PKN2: variants seen among roughly 807,000 people sequenced by gnomAD.
PKN2 encodes serine/threonine-protein kinase N2.
In PKN2, 38 loss-of-function variants were observed where a neutral mutation model predicts 119.1. That is an observed-to-expected ratio of 0.32 (90% CI 0.25 to 0.42). PKN2 has a LOEUF of 0.42. Among genes scored for constraint, PKN2 ranks in the 10% least tolerant of loss-of-function variants. The probability of loss-of-function intolerance (pLI) is 1.00; values close to 1 mark genes in which losing one functional copy is unlikely to be tolerated. For synonymous variants in PKN2, 390 were observed against 384.9 expected (o/e 1.01, Z -0.15); for missense variants, 850 against 1,165.1 (o/e 0.73, Z 3.94).
chr1:88,820,210 AT>A (rs1557634879), intron 16 of PKN2, among the ~76,000 whole-genome samples: 49 of 114,450 alleles, frequency 4.3e-4, no homozygotes, highest in Admixed American at 2.8e-3. Flanking sequence ...ATATATATAT[AT>A]ATATATATAT....
At position 88,684,380 on chromosome 1, in the gene PKN2, A is replaced by T; in HGVS notation, c.-201A>T. ...GGGCGGCGAGAGGAAGCCCGCTACG[A>T]GTGCCCTAGCTCCCCGCCGCTCTCG... is the stretch of plus-strand genomic sequence containing the variant. On this transcript the variant is annotated 5_prime_UTR_variant, in exon 1 of 22. Transcript: ENST00000370521. The T allele has an allele frequency of 2.0e-6, 1 of 499,722 alleles. No homozygotes were observed. The highest frequency in any genetic ancestry group is 3.5e-5 in the East Asian group (1 of 28,284). 31.0% of individuals were successfully genotyped at this position (499,722 alleles called of 1,614,324 possible).
intron 6 of PKN2, among the ~76,000 whole-genome samples, chr1:88,772,510 G>C (rs916328908): frequency 6.6e-6 from 1 of 152,154 alleles, no homozygotes; most frequent in African/African-American, 2.4e-5. Context: ...TCCAAAATCT[G>C]AGATACTTCT....
chr1:88,685,579 T>C (rs1395904736), intron 1 of PKN2, among the ~76,000 whole-genome samples: 1 of 152,226 alleles, frequency 6.6e-6, no homozygotes, highest in Non-Finnish European at 1.5e-5. Flanking sequence ...ACATGGGGAC[T>C]TAAGCTACCC....
At chr1:88,801,698 C>A (rs938864147) in intron 8 of PKN2, among the ~76,000 whole-genome samples, 23 of 152,142 alleles carry the variant, frequency 1.5e-4, no homozygotes, top group Non-Finnish European at 5.9e-5. Flanking sequence ...ATAATCGGTG[C>A]CGTGAAGAAA....
chr1:88,805,575 C>T lies in PKN2; in HGVS notation c.1580C>T (p.Thr527Ile). The T allele has an allele frequency of 1.9e-6, 3 of 1,613,896 alleles. No individual in the cohort carries two copies. Among genetic ancestry groups the T allele is most frequent in the Non-Finnish European group, 2.5e-6 (3 of 1,179,846 alleles). Residue 527 changes from threonine to isoleucine, a missense_variant, in exon 11 of 22, where the codon ACA becomes ATA. Around this residue, in one of 9 missense-constraint regions of PKN2, gnomAD observed 216 missense variants for 252.8 expected, o/e 0.85. Transcript: ENST00000370521. ...AGGCTAGTAAGAAGAGCTATTCCTA[C>T]AGTAAATCATTCTGGCACCTTCAGC... ...WGRLVRRAIP[T>I]VNHSGTFSPQ...
rs573915048 is a variant in PKN2 at position 88,703,478 on chromosome 1, C to G, written c.48+18850C>G. 4.6e-5 allele frequency among the ~76,000 whole-genome samples: 7 copies of G among 152,206 alleles called. No homozygotes were observed. The East Asian group carries it at 1.3e-3, about 29-fold the overall frequency. ...AGTGAGGCTTAGAGAGGTAAAGTTA[C>G]TTGCCTATGTTACAAAGCAAGTTAG... On this transcript the variant is annotated intron_variant, in intron 1 of 21. Transcript: ENST00000370521.
chr1:88,783,043 A>G (rs943255481), intron 6 of PKN2, among the ~76,000 whole-genome samples: 11 of 152,190 alleles, frequency 7.2e-5, no homozygotes, highest in African/African-American at 2.7e-4. Context: ...ACTCTTCTGG[A>G]TATTTTCTTC....
At chr1:88,698,469 C>T (rs1570490450) in intron 1 of PKN2, among the ~76,000 whole-genome samples, 3 of 152,320 alleles carry the variant, frequency 2.0e-5, no homozygotes. Flanking sequence ...AATGTTAGCA[C>T]TTGGTGAAGT....
chr1:88,744,980 A>G (rs1295982925), intron 2 of PKN2, among the ~76,000 whole-genome samples: 1 of 152,202 alleles, frequency 6.6e-6, no homozygotes, highest in Non-Finnish European at 1.5e-5. Flanking sequence ...CATCTTCTAA[A>G]TACTTTAAAG....
Position 88,814,050 on chromosome 1 carries a change from A to G in PKN2, c.2279+317A>G, listed in dbSNP as rs1404046854. Among the ~76,000 whole-genome samples the G allele has an allele frequency of 5.3e-5, 8 of 152,312 alleles. No individual in the cohort carries two copies. In the East Asian group the frequency reaches 1.5e-3, roughly 29 times the overall value. ...GCCATCCAGAATTACAGCTTTAAAGACAGATTATACTCAAAATGCACTGTT... is the reference window on the plus strand; with the variant it reads ...GCCATCCAGAATTACAGCTTTAAAGGCAGATTATACTCAAAATGCACTGTT... On this transcript the variant is annotated intron_variant, in intron 16 of 21. Transcript: ENST00000370521.
chr1:88,686,404 T>C (rs1254560962), intron 1 of PKN2, among the ~76,000 whole-genome samples: 2 of 152,086 alleles, frequency 1.3e-5, no homozygotes, highest in Non-Finnish European at 2.9e-5. Flanking sequence ...TTTAGGATCT[T>C]TTAATTAATA....
chr1:88,745,856 G>A (rs1668746646), intron 2 of PKN2, among the ~76,000 whole-genome samples: 1 of 152,028 alleles, frequency 6.6e-6, no homozygotes, highest in East Asian at 1.9e-4. Flanking sequence ...AATCTAAACA[G>A]CATCATAATG....
chr1:88,763,777 CT>C (rs1669545610), intron 3 of PKN2, among the ~76,000 whole-genome samples: 3 of 152,074 alleles, frequency 2.0e-5, no homozygotes, highest in Non-Finnish European at 2.9e-5. Flanking sequence ...AAGAGTCATA[CT>C]TTTGGTATCT....
At chr1:88,802,255 A>G (rs1185170247) in intron 8 of PKN2, among the ~76,000 whole-genome samples, 2 of 152,200 alleles carry the variant, frequency 1.3e-5, no homozygotes, top group Admixed American at 6.5e-5. Context: ...ATAGAATTCT[A>G]GGAAAGCTAG....
chr1:88,773,136 C>T (rs1669959203), intron 6 of PKN2, among the ~76,000 whole-genome samples: 2 of 151,522 alleles, frequency 1.3e-5, no homozygotes, highest in South Asian at 4.2e-4. Flanking sequence ...GCTACCCCTA[C>T]TTTGTTTTGG....
In PKN2 at chr1:88,833,674, T is replaced by A. The variant is rs1055454487; in HGVS notation, c.*226T>A. 3 of 464,862 alleles carry A rather than the reference T, an allele frequency of 6.5e-6. No individual in the cohort carries two copies. Among genetic ancestry groups the A allele is most frequent in the African/African-American group, 6.0e-5 (3 of 49,694 alleles). 28.8% of individuals were successfully genotyped at this position (464,862 alleles called of 1,614,324 possible). ...GAGCACTGGAAACAGTTTCATGGAGTTTAAGTTGAGTGAACATCGGCCATG... is the reference window on the plus strand; with the variant it reads ...GAGCACTGGAAACAGTTTCATGGAGATTAAGTTGAGTGAACATCGGCCATG... On this transcript the variant is annotated 3_prime_UTR_variant, in exon 22 of 22. Transcript: ENST00000370521.
chr1:88,730,492 T>C (rs945100031), intron 1 of PKN2, among the ~76,000 whole-genome samples: 5 of 152,214 alleles, frequency 3.3e-5, no homozygotes, highest in Non-Finnish European at 7.3e-5. Flanking sequence ...TGGGTCTGCA[T>C]TCTTGGCAAA....
chr1:88,724,437 A>G (rs1667815469), intron 1 of PKN2, among the ~76,000 whole-genome samples: 1 of 152,120 alleles, frequency 6.6e-6, no homozygotes, highest in South Asian at 2.1e-4. Context: ...GTTTTCAAGT[A>G]TCATCTTGTT....
Position 88,813,577 on chromosome 1 carries a change from T to C in PKN2, c.2123T>C (p.Ile708Thr). Residue 708 changes from isoleucine (I) to threonine (T), a missense_variant, in exon 16 of 22, where the codon ATT (isoleucine) becomes ACT (threonine). This residue lies in a region of PKN2 where 216 missense variants were observed against 252.8 expected (regional missense o/e 0.85). Transcript: ENST00000370521. ...TACAGCCTGATGTGTGAAAAAAGAA[T>C]TTTTGAAACTGTGAATAGTGTAAGG... ...EVDSLMCEKRIFETVNSVRHP... is the reference protein window; with the variant it reads ...EVDSLMCEKRTFETVNSVRHP... 6.3e-7 allele frequency: 1 copy of C among 1,590,664 alleles called. No individual in the cohort carries two copies. The highest frequency in any genetic ancestry group is 8.5e-7 in the Non-Finnish European group (1 of 1,170,674).
Sources: gnomAD v4.1 joint callset for allele counts (sites outside exome capture counted in the v4.1 genomes callset) on GRCh38, gnomAD v4.1.1 for gene constraint, gnomAD v4.1.1 regional missense constraint, MANE v1.5 for transcripts, NCBI Gene and HGNC (gene_info 2026-07-23, HGNC 2026-07-21) for gene names.